MTA3: variants seen among roughly 807,000 people sequenced by gnomAD.
MTA3 encodes metastasis associated 1 family member 3, also known as metastasis-associated protein MTA3.
MTA3 carries 34 observed loss-of-function variants against 83.5 expected under a neutral mutation model. That is an observed-to-expected ratio of 0.41 (90% CI 0.31 to 0.54). MTA3 has a LOEUF of 0.54. Ranked by LOEUF, MTA3 falls within the 20% of genes least tolerant of loss-of-function variation. The pLI is 0.33. For synonymous variants in MTA3, 303 were observed against 252.7 expected, an observed-to-expected ratio of 1.20 and a Z score of -1.89; for missense variants, 761 against 726.4, an observed-to-expected ratio of 1.05 and a Z score of -0.55.
chr2:42,598,589 T>C (rs1682138125), intron 3 of MTA3, among the ~76,000 whole-genome samples: 1 of 152,214 alleles, frequency 6.6e-6, no homozygotes. Context: ...GCTTCTTTTG[T>C]ATGTTTTATT....
chr2:42,659,727 C>T (rs774560811), intron 7 of MTA3, 36 bp from the exon 8 acceptor site: 1 of 1,424,228 alleles, frequency 7.0e-7, no homozygotes, highest in Non-Finnish European at 9.3e-7. Context: ...AAAACAGATA[C>T]TTAATTCTTC....
intron 10 of MTA3, among the ~76,000 whole-genome samples, chr2:42,697,259 AG>A: frequency 1.3e-5 from 2 of 152,316 alleles, no homozygotes. Flanking sequence ...TGAGGTTTAA[AG>A]TTTAATGCAT....
chr2:42,682,716 A>T, intron 9 of MTA3, 127 bp downstream of exon 9: 3 of 833,844 alleles, frequency 3.6e-6, no homozygotes, highest in Non-Finnish European at 5.5e-6. Context: ...CTCAAAGTAA[A>T]ATGAAGGTTA....
chr2:42,614,735 G>T (rs1314031008), intron 4 of MTA3, among the ~76,000 whole-genome samples: 1 of 152,080 alleles, frequency 6.6e-6, no homozygotes, highest in Non-Finnish European at 1.5e-5. Context: ...AGGACTTTGA[G>T]AGGCCGGGGT....
intron 2 of MTA3, among the ~76,000 whole-genome samples, chr2:42,571,915 C>G (rs1365505144): frequency 6.6e-6 from 1 of 151,088 alleles, no homozygotes; most frequent in Non-Finnish European, 1.5e-5. Context: ...CCATTGCACT[C>G]CAGCCTGGGC....
intron 10 of MTA3, among the ~76,000 whole-genome samples, chr2:42,696,483 G>A (rs1263246570): frequency 3.3e-5 from 5 of 152,118 alleles, no homozygotes; most frequent in African/African-American, 1.2e-4. Flanking sequence ...TGTTATGTTT[G>A]TATAGGCACA....
chr2:42,536,633 G>C (rs1381790686), intron 2 of MTA3, among the ~76,000 whole-genome samples: 1 of 152,156 alleles, frequency 6.6e-6, no homozygotes, highest in African/African-American at 2.4e-5. Flanking sequence ...GCTGAGGCAG[G>C]CGGATCACGA....
At chr2:42,645,472 C>T (rs1460595297) in intron 6 of MTA3, among the ~76,000 whole-genome samples, 1 of 152,064 alleles carries the variant, frequency 6.6e-6, no homozygotes, top group Non-Finnish European at 1.5e-5. Flanking sequence ...TTGGAGTGAG[C>T]CAAGATTGTG....
intron 3 of MTA3, among the ~76,000 whole-genome samples, chr2:42,595,349 A>T (rs1481546016): frequency 1.3e-5 from 2 of 151,618 alleles, no homozygotes; most frequent in African/African-American, 2.4e-5. Context: ...TGACCTCGTG[A>T]TCTGCCTGCC....
intron 3 of MTA3, among the ~76,000 whole-genome samples, chr2:42,608,526 C>T (rs1418472846): frequency 2.6e-5 from 4 of 152,142 alleles, no homozygotes; most frequent in Non-Finnish European, 2.9e-5. Context: ...ATACTTACTC[C>T]ATTCATTACC....
chr2:42,556,495 G>A (rs530760406), intron 2 of MTA3, among the ~76,000 whole-genome samples: 1 of 152,304 alleles, frequency 6.6e-6, no homozygotes, highest in Admixed American at 6.5e-5. Flanking sequence ...ATTTCCCCCA[G>A]TGCCTGGGAG....
chr2:42,691,333 A>G (rs1692879804), intron 9 of MTA3, among the ~76,000 whole-genome samples: 1 of 152,130 alleles, frequency 6.6e-6, no homozygotes, highest in Non-Finnish European at 1.5e-5. Flanking sequence ...TGATACAGGC[A>G]TGCAATATGT....
intron 11 of MTA3, chr2:42,702,755 G>A (rs1665699602): frequency 6.6e-6 from 1 of 152,162 alleles, no homozygotes; most frequent in Admixed American, 6.5e-5. Flanking sequence ...TATTGAGAAC[G>A]TACTATGTGT....
chr2:42,729,607 T>C (rs559569424), intron 16 of MTA3, among the ~76,000 whole-genome samples: 4 of 152,348 alleles, frequency 2.6e-5, no homozygotes, highest in Admixed American at 2.6e-4. Context: ...ACTGTAGATG[T>C]ATAGATTTGT....
In MTA3 at chr2:42,667,656, A is replaced by T. The variant is rs972481251; in HGVS notation, c.702+7794A>T. Among the ~76,000 whole-genome samples the T allele has an allele frequency of 1.1e-4, 12 of 111,390 alleles. No individual in the cohort carries two copies. The South Asian group carries it at 2.8e-3, about 26-fold the overall frequency. 73.1% of individuals were successfully genotyped at this position (111,390 alleles called of 152,430 possible). A position where few individuals can be genotyped will look rare whatever the true frequency, so the allele number is the denominator to read the frequency against. The stretch of plus-strand genomic sequence containing the variant: ...GAGAGAGAGAGAGAGAGAGAGAGAG[A>T]GTCAGTCTTGCTCTGTCCCTCAGCC... On this transcript the variant is annotated intron_variant, in intron 8 of 16. Transcript: ENST00000405094.
At chr2:42,570,043 T>A (rs1045208868) in intron 1 of MTA3, 1 of 156,002 alleles carries the variant, frequency 6.4e-6, no homozygotes, top group Non-Finnish European at 1.4e-5. Context: ...AGGTCAATAG[T>A]TTTATGTGAG....
intron 4 of MTA3, among the ~76,000 whole-genome samples, chr2:42,619,265 C>G (rs1685261633): frequency 6.6e-6 from 1 of 152,082 alleles, no homozygotes; most frequent in African/African-American, 2.4e-5. Flanking sequence ...AAAGAGCACT[C>G]ATGAAAAAAC....
intron 2 of MTA3, among the ~76,000 whole-genome samples, chr2:42,539,234 C>T (rs147569844): frequency 3.3e-3 from 498 of 152,138 alleles, no homozygotes; most frequent in African/African-American, 0.012. Context: ...AGGACATACC[C>T]GAGACTGGAT....
chr2:42,497,186 A>G (rs935974167), intron 2 of MTA3, among the ~76,000 whole-genome samples: 7 of 152,034 alleles, frequency 4.6e-5, no homozygotes, highest in Non-Finnish European at 1.0e-4. Context: ...AGCCTGGGCT[A>G]CAAGAGCAAA....
Sources: gnomAD v4.1 joint callset for allele counts (sites outside exome capture counted in the v4.1 genomes callset) on GRCh38, gnomAD v4.1.1 for gene constraint, MANE v1.5 for transcripts, NCBI Gene and HGNC (gene_info 2026-07-23, HGNC 2026-07-21) for gene names.